The following TSC2 variants were observed in gnomAD, a reference collection of about 807,000 sequenced individuals.
TSC2 encodes TSC complex subunit 2, also known as tuberin.
Under a neutral mutation model 202.2 loss-of-function variants are expected in TSC2, and 29 were observed. The observed-to-expected ratio is 0.14, with a 90% CI of 0.11 to 0.20. The LOEUF is 0.20. TSC2 is among the 10% of genes least tolerant of loss of function. The probability of loss-of-function intolerance (pLI) is 1.00; values close to 1 mark genes in which losing one functional copy is unlikely to be tolerated. For synonymous variants in TSC2, 1,349 were observed against 1,044.0 expected, an observed-to-expected ratio of 1.29 and a Z score of -5.63; for missense variants, 2,429 against 2,420.0, an observed-to-expected ratio of 1.00 and a Z score of -0.08.
At position 2,064,397 on chromosome 16, in the gene TSC2, C is replaced by T. The variant is rs1420211177; in HGVS notation, c.1569C>T (p.His523=). 1 of 1,613,744 alleles carries T rather than the reference C, an allele frequency of 6.2e-7. No individual in the cohort carries two copies. The highest frequency in any genetic ancestry group is 8.5e-7 in the Non-Finnish European group (1 of 1,180,036). The change falls in exon 15 of 42, where the codon CAC becomes CAT. Residue 523 remains histidine, a synonymous_variant. Transcript: ENST00000219476. ...TGGCAGAGGGCTGCCACACACACCA[C>T]TTCAACAGCCTGCTGGACATCATCG... ...VDLAEGCHTH[H]FNSLLDIIEK...
Position 2,076,502 on chromosome 16 carries a change from C to T in TSC2, c.2754C>T (p.Ser918=), listed in dbSNP as rs756264848. 3.1e-6 allele frequency: 5 copies of T among 1,613,556 alleles called. No individual in the cohort carries two copies. ...GCTCACTCTGCCAGGGCCTGCGGTC[C>T]AATGTCCTCTTGTCTTTTGATGACA... ...FVPFITKGLR[S]NVLLSFDDTP... is the part of the protein sequence containing the mutation. Residue 918 remains serine (S), a synonymous_variant, in exon 25 of 42, where the codon TCC becomes TCT. Coordinates refer to ENST00000219476, the MANE Select transcript of TSC2 (RefSeq NM_000548.5).
chr16:2,072,592 A>T, intron 20 of TSC2: 2 of 800,104 alleles, frequency 2.5e-6, no homozygotes, highest in Non-Finnish European at 3.9e-6. Context: ...AGGGCATGTC[A>T]CTGAATGTGG....
At chr16:2,048,521 G>T in intron 1 of TSC2, 66 bp from the exon 2 acceptor site, 1 of 1,599,610 alleles carries the variant, frequency 6.3e-7, no homozygotes, top group South Asian at 1.1e-5. Flanking sequence ...ACGGCTGGAG[G>T]TCCGCAGTGG....
At chr16:2,062,689 G>T in intron 13 of TSC2, 89 bp downstream of exon 13, 1 of 1,340,258 alleles carries the variant, frequency 7.5e-7, no homozygotes, top group Non-Finnish European at 1.0e-6. Flanking sequence ...CAGGATGCCC[G>T]ATGAGCAGGG....
In TSC2 at chr16:2,088,692, G is replaced by A. The variant is rs1386141406; in HGVS notation, c.*82G>A. On this transcript the variant is annotated 3_prime_UTR_variant, in exon 42 of 42. Transcript: ENST00000219476. ...AATAAAGTCCTGACCCCAGTGCACAGACATAGAGGCACAGATTGCAGTCAG... is the reference window on the plus strand; with the variant it reads ...AATAAAGTCCTGACCCCAGTGCACAAACATAGAGGCACAGATTGCAGTCAG... 6.7e-7 allele frequency: 1 copy of A among 1,500,766 alleles called. No homozygotes were observed. 93.0% of individuals were successfully genotyped at this position (1,500,766 alleles called of 1,614,324 possible).
At position 2,083,822 on chromosome 16, in the gene TSC2, T is replaced by C. The variant is rs2151514450; in HGVS notation, c.4005+6T>C. On this transcript the variant is annotated splice_donor_region_variant and intron_variant, in intron 33 of 41. Coordinates refer to ENST00000219476, the MANE Select transcript of TSC2 (RefSeq NM_000548.5). ...GCACGGATGCCTACAGCAGGGTGAG[T>C]GTGGCTCAGAGCCTGGACCCTGCTG... is the stretch of plus-strand genomic sequence containing the variant. The C allele has an allele frequency of 6.2e-7, 1 of 1,609,962 alleles. No homozygotes were observed.
At chr16:2,048,194 C>T (rs978116474) in intron 1 of TSC2, 129 bp downstream of exon 1, 10 of 1,531,772 alleles carry the variant, frequency 6.5e-6, no homozygotes, top group African/African-American at 1.4e-5. Context: ...GAGCTCCGAG[C>T]ATCCCTTAGT....
chr16:2,048,240 C>CA, intron 1 of TSC2, 175 bp downstream of exon 1: 1 of 1,403,732 alleles, frequency 7.1e-7, no homozygotes, highest in Non-Finnish European at 9.9e-7. Context: ...GTCTCTGCTG[C>CA]AGGCGGCTCC....
chr16:2,087,738 G>C, intron 38 of TSC2, 125 bp from the exon 39 acceptor site: 4 of 1,229,568 alleles, frequency 3.3e-6, no homozygotes, highest in Non-Finnish European at 4.7e-6. Context: ...TGCCAGAGGG[G>C]AAAGTTCAGG....
rs554972595 is a variant in TSC2 at position 2,072,740 on chromosome 16, C to T, written c.2221-109C>T. ...GAGGGAGGCAAGAAGGCTCCCCAGC[C>T]CCTTTGCCCCCTTTCCTGGGCCTGC... On this transcript the variant is annotated intron_variant, in intron 20 of 41. Coordinates refer to ENST00000219476, the MANE Select transcript of TSC2 (RefSeq NM_000548.5). 146 of 1,575,484 alleles carry T rather than the reference C, an allele frequency of 9.3e-5. 1 individual carries two copies. The East Asian group carries it at 3.0e-3, about 33-fold the overall frequency.
intron 7 of TSC2, 50 bp from the exon 8 acceptor site, chr16:2,056,594 T>C (rs775383091): frequency 6.2e-7 from 1 of 1,600,490 alleles, no homozygotes; most frequent in South Asian, 1.1e-5. Flanking sequence ...TCCTCTCCTG[T>C]GGGGAGGAGC....
At chr16:2,077,421 G>T in intron 25 of TSC2, 177 bp from the exon 26 acceptor site, 8 of 877,718 alleles carry the variant, frequency 9.1e-6, no homozygotes, top group Admixed American at 8.7e-5. Context: ...TTTGTTTTCT[G>T]TCTCTTCCCC....
intron 10 of TSC2, among the ~76,000 whole-genome samples, chr16:2,059,533 TA>T (rs397739220): frequency 7.0e-6 from 1 of 142,258 alleles, no homozygotes; most frequent in African/African-American, 2.7e-5. Context: ...TTTTTTTTTT[TA>T]ATGGGACAGA....
intron 21 of TSC2, among the ~76,000 whole-genome samples, chr16:2,073,897 C>T (rs2088865820): frequency 1.3e-5 from 2 of 152,270 alleles, no homozygotes; most frequent in South Asian, 2.1e-4. Context: ...GGCTTGGCCA[C>T]TTCAGGCAGC....
rs2091286697 is a variant in TSC2, at chr16:2,088,933, G to A, written c.*323G>A. The A allele has an allele frequency of 2.6e-6, 1 of 381,048 alleles. No homozygotes were observed. 23.6% of individuals were successfully genotyped at this position (381,048 alleles called of 1,614,324 possible). Reference sequence around the variant, plus strand: ...CCTCCACCCTGGGAGCCAGCCCCCAGGAGGAGTCTTTTCCTCTAACCACCC... The same window carrying A: ...CCTCCACCCTGGGAGCCAGCCCCCAAGAGGAGTCTTTTCCTCTAACCACCC... On this transcript the variant is annotated 3_prime_UTR_variant, in exon 42 of 42. Coordinates refer to ENST00000219476, the MANE Select transcript of TSC2 (RefSeq NM_000548.5).
chr16:2,071,961 C>T (rs780696045), intron 19 of TSC2, 27 bp downstream of exon 19: 18 of 1,553,058 alleles, frequency 1.2e-5, no homozygotes, highest in South Asian at 8.2e-5. Flanking sequence ...AGGGACCATC[C>T]GTCCCACGTT....
In TSC2 at chr16:2,058,765, G is replaced by T. The variant is rs375163125; in HGVS notation, c.867G>T (p.Ala289=). The change falls in exon 10 of 42, where the codon GCG becomes GCT. Residue 289 remains alanine (A), a synonymous_variant. Transcript: ENST00000219476. ...CTTTTAGAGCCTACATGGAGGACGC[G>T]CCCCTGCTGAGAGGAGCCGTGTTTT... ...LMEDRAYMED[A]PLLRGAVFFV... 1.3e-6 allele frequency: 2 copies of T among 1,586,826 alleles called. No homozygotes were observed. Among genetic ancestry groups the T allele is most frequent in the Middle Eastern group, 1.7e-4 (1 of 5,780 alleles).
Position 2,084,955 on chromosome 16 carries a change from G to C in TSC2, c.4498G>C (p.Val1500Leu). The C allele has an allele frequency of 6.2e-7, 1 of 1,613,272 alleles. No homozygotes were observed. The highest frequency in any genetic ancestry group is 8.5e-7 in the Non-Finnish European group (1 of 1,179,962). The change falls in exon 35 of 42, where the codon GTG becomes CTG. Residue 1500 changes from valine to leucine, a missense_variant. Val to Leu is a conservative substitution (Grantham distance 32, BLOSUM62 1). Transcript: ENST00000219476. ...CACCATCCCCTCCCTGTGCAGTTTC[G>C]TGTTCCTGCAGCTCTACCATTCCCC... is the stretch of plus-strand genomic sequence containing the variant. ...EKVPGINPSF[V>L]FLQLYHSPFF...
intron 16 of TSC2, among the ~76,000 whole-genome samples, chr16:2,066,651 C>CTTTT (rs34619573): frequency 5.1e-4 from 50 of 98,482 alleles, no homozygotes; most frequent in Non-Finnish European, 8.0e-4. Flanking sequence ...TCTGATTTAT[C>CTTTT]TTTTTTTTTT....
Sources: gnomAD v4.1 joint callset for allele counts (sites outside exome capture counted in the v4.1 genomes callset) on GRCh38, gnomAD v4.1.1 for gene constraint, MANE v1.5 for transcripts, NCBI Gene and HGNC (gene_info 2026-07-23, HGNC 2026-07-21) for gene names.